Variants in PALM2AKAP2 observed in about 807,000 individuals in gnomAD.
PALM2AKAP2 encodes PALM2-AKAP2 fusion protein.
Under a neutral mutation model 71.5 loss-of-function variants are expected in PALM2AKAP2, and 37 were observed. That is an observed-to-expected ratio of 0.52 (90% CI 0.40 to 0.68). PALM2AKAP2 has a LOEUF of 0.68. PALM2AKAP2 is among the 30% of genes least tolerant of loss of function. The probability of loss-of-function intolerance (pLI) is 0.00; values close to 1 mark genes in which losing one functional copy is unlikely to be tolerated. For missense variants in PALM2AKAP2, 1,224 were observed against 1,191.8 expected (o/e 1.03, Z -0.40); for synonymous variants, 468 against 478.8 (o/e 0.98, Z 0.29).
intron 7 of PALM2AKAP2, among the ~76,000 whole-genome samples, chr9:110,032,515 AC>A (rs201883539): frequency 0.014 from 2,152 of 151,950 alleles, 30 homozygotes; most frequent in Non-Finnish European, 0.018. Flanking sequence ...ATATGGTGAA[AC>A]CCCATCTCTA....
intron 1 of PALM2AKAP2, among the ~76,000 whole-genome samples, chr9:109,668,291 A>G (rs1827520905): frequency 6.6e-6 from 1 of 152,244 alleles, no homozygotes; most frequent in African/African-American, 2.4e-5. Flanking sequence ...ACTAGAGAGA[A>G]AAGATGGAAA....
intron 1 of PALM2AKAP2, among the ~76,000 whole-genome samples, chr9:109,801,131 C>A (rs890046997): frequency 1.3e-5 from 2 of 152,154 alleles, no homozygotes; most frequent in Non-Finnish European, 2.9e-5. Flanking sequence ...CTTCAGTTGC[C>A]GTGAAACATT....
chr9:110,017,852 C>T (rs111461960), intron 7 of PALM2AKAP2, among the ~76,000 whole-genome samples: 3 of 151,778 alleles, frequency 2.0e-5, no homozygotes, highest in Non-Finnish European at 4.4e-5. Flanking sequence ...CTCAGCCTCC[C>T]GAGTAGCTGG....
intron 7 of PALM2AKAP2, among the ~76,000 whole-genome samples, chr9:110,042,842 T>A (rs934348302): frequency 1.3e-5 from 2 of 152,222 alleles, no homozygotes; most frequent in South Asian, 4.1e-4. Context: ...AATGTATAAA[T>A]AATTACATCA....
chr9:109,705,255 C>A (rs570857204), intron 1 of PALM2AKAP2, among the ~76,000 whole-genome samples: 1 of 152,186 alleles, frequency 6.6e-6, no homozygotes, highest in African/African-American at 2.4e-5. Context: ...ACTCTTTCCA[C>A]TTAATCGCCT....
intron 1 of PALM2AKAP2, among the ~76,000 whole-genome samples, chr9:109,719,799 G>C (rs1371868255): frequency 1.3e-5 from 2 of 152,092 alleles, no homozygotes; most frequent in Non-Finnish European, 2.9e-5. Flanking sequence ...GATTCCCTAA[G>C]CTCTTCCTAG....
In PALM2AKAP2 at chr9:110,091,798, T is replaced by C. The variant is rs115865040; in HGVS notation, c.156+42943T>C. ...ATTTTTTACTTACACATAGTGAAAT[T>C]CATTCTTTTTGCTGTACATCTCTAT... On this transcript the variant is annotated intron_variant, in intron 1 of 3. Coordinates refer to ENST00000374525, the Ensembl canonical transcript of PALM2AKAP2. 3.7e-3 allele frequency among the ~76,000 whole-genome samples: 568 copies of C among 152,276 alleles called. 7 individuals carry two copies. The highest frequency in any genetic ancestry group is 0.013 in the African/African-American group (537 of 41,562).
chr9:109,705,786 T>G (rs535769007), intron 1 of PALM2AKAP2, among the ~76,000 whole-genome samples: 25 of 152,360 alleles, frequency 1.6e-4, no homozygotes, highest in African/African-American at 6.0e-4. Context: ...TGCTTTTAGT[T>G]GAGTCACTTA....
intron 1 of PALM2AKAP2, among the ~76,000 whole-genome samples, chr9:109,782,740 TTGTTTGTGTGTGTGTG>T (rs1826846533): frequency 7.9e-6 from 1 of 125,970 alleles, no homozygotes; most frequent in African/African-American, 3.3e-5. Context: ...CAGCGTGTGT[TTGTTTGTGTGTGTGTG>T]TGTGTGTGTG....
intron 6 of PALM2AKAP2, among the ~76,000 whole-genome samples, chr9:110,009,597 C>A (rs1832843288): frequency 6.6e-6 from 1 of 151,654 alleles, no homozygotes; most frequent in Non-Finnish European, 1.5e-5. Flanking sequence ...GCCTGTAGTC[C>A]CAACTACCCC....
chr9:109,735,944 A>C (rs923138704), intron 1 of PALM2AKAP2, among the ~76,000 whole-genome samples: 13 of 152,260 alleles, frequency 8.5e-5, no homozygotes, highest in African/African-American at 3.1e-4. Flanking sequence ...GACTGGGACC[A>C]AATGAGAAGA....
At chr9:110,156,415 G>A (rs1267349320) in exon 3 of PALM2AKAP2, 6 of 1,613,048 alleles carry the variant, frequency 3.7e-6, no homozygotes, top group Non-Finnish European at 4.2e-6. Context: ...GGAACCCAGC[G>A]GCCCAAGAAT....
chr9:109,643,364 G>A (rs1827101139), intron 1 of PALM2AKAP2, among the ~76,000 whole-genome samples: 1 of 152,230 alleles, frequency 6.6e-6, no homozygotes, highest in African/African-American at 2.4e-5. Context: ...GGAGAGCCTG[G>A]TCATTTGCCA....
intron 1 of PALM2AKAP2, among the ~76,000 whole-genome samples, chr9:109,707,397 C>T (rs1828160954): frequency 1.3e-5 from 2 of 152,104 alleles, no homozygotes; most frequent in African/African-American, 4.8e-5. Flanking sequence ...TGAAGTCAGG[C>T]ACTTCAAATA....
In PALM2AKAP2 at chr9:109,745,487, A is replaced by AGTGTGTGT. The variant is rs199950779; in HGVS notation, c.6-34980_6-34973dup. On this transcript the variant is annotated intron_variant, in intron 1 of 6. Transcript: ENST00000374531. Reference sequence around the variant, plus strand: ...TCTTAAGTCGACTCTAGTGGCTGTCAGTGTGTGTGTGTGTGTGTGTGTGTG... The same window carrying AGTGTGTGT: ...TCTTAAGTCGACTCTAGTGGCTGTCAGTGTGTGTGTGTGTGTGTGTGTGTGTGTGTGTG... Among the ~76,000 whole-genome samples, 295 of 146,970 alleles carry AGTGTGTGT rather than the reference A, an allele frequency of 2.0e-3. 2 individuals are homozygous for AGTGTGTGT. The highest frequency in any genetic ancestry group is 6.7e-3 in the African/African-American group (270 of 40,118).
At chr9:109,671,042 A>G (rs1185829728) in intron 1 of PALM2AKAP2, among the ~76,000 whole-genome samples, 2 of 152,070 alleles carry the variant, frequency 1.3e-5, no homozygotes, top group South Asian at 2.1e-4. Context: ...GATGCATAGT[A>G]TGCAGAAATT....
intron 1 of PALM2AKAP2, among the ~76,000 whole-genome samples, chr9:109,716,331 T>C (rs1224689916): frequency 1.3e-5 from 2 of 152,172 alleles, no homozygotes; most frequent in Non-Finnish European, 2.9e-5. Context: ...GATAAATAGA[T>C]AGATAAACTC....
intron 1 of PALM2AKAP2, among the ~76,000 whole-genome samples, chr9:109,687,904 G>C (rs1399787567): frequency 3.3e-5 from 5 of 152,184 alleles, no homozygotes; most frequent in African/African-American, 1.2e-4. Flanking sequence ...AGGGTTATTA[G>C]TTGGCCTGTT....
At chr9:109,800,585 A>G (rs1827399206) in intron 1 of PALM2AKAP2, among the ~76,000 whole-genome samples, 1 of 148,310 alleles carries the variant, frequency 6.7e-6, no homozygotes, top group Non-Finnish European at 1.5e-5. Context: ...TGCTCAGCTC[A>G]GATTTGACCT....
Sources: gnomAD v4.1 joint callset for allele counts (sites outside exome capture counted in the v4.1 genomes callset) on GRCh38, gnomAD v4.1.1 for gene constraint, MANE v1.5 for transcripts, NCBI Gene and HGNC (gene_info 2026-07-23, HGNC 2026-07-21) for gene names.